The following MAF variants were observed in gnomAD, a reference collection of about 807,000 sequenced individuals.
MAF encodes MAF bZIP transcription factor, also known as transcription factor Maf.
A neutral mutation model predicts 22.0 loss-of-function variants in MAF; 10 were observed. The observed-to-expected ratio is 0.45, with a 90% CI of 0.28 to 0.77. The LOEUF is 0.77. Ranked by LOEUF, MAF falls within the 30% of genes least tolerant of loss-of-function variation. The pLI, the probability that MAF is intolerant of heterozygous loss-of-function variation, is 0.12. For missense variants in MAF, 544 were observed against 548.4 expected (o/e 0.99, Z 0.08); for synonymous variants, 337 against 255.8 (o/e 1.32, Z -3.03).
the MAF span, among the ~76,000 whole-genome samples, chr16:79,325,301 G>A: frequency 2.6e-5 from 4 of 152,168 alleles, no homozygotes; most frequent in East Asian, 1.9e-4. Context: ...AGCGACAACC[G>A]TGCATGCAAC....
chr16:79,518,587 C>A, the MAF span, among the ~76,000 whole-genome samples: 1 of 152,154 alleles, frequency 6.6e-6, no homozygotes, highest in East Asian at 1.9e-4. Context: ...GTTACTTGGC[C>A]CCTTGGTGCC....
At chr16:79,329,785 T>C in the MAF span, among the ~76,000 whole-genome samples, 2 of 152,206 alleles carry the variant, frequency 1.3e-5, no homozygotes, top group Non-Finnish European at 2.9e-5. Flanking sequence ...AAAACCAGTA[T>C]GCCTTCTACT....
At chr16:79,520,880 G>A in the MAF span, among the ~76,000 whole-genome samples, 1 of 152,164 alleles carries the variant, frequency 6.6e-6, no homozygotes, top group Non-Finnish European at 1.5e-5. Context: ...ACCCTGCTAA[G>A]TGCTTCATTT....
the MAF span, among the ~76,000 whole-genome samples, chr16:79,351,945 C>T: frequency 6.6e-6 from 1 of 152,248 alleles, no homozygotes; most frequent in African/African-American, 2.4e-5. Context: ...GTTTTTCACA[C>T]CCCAAGATAA....
chr16:79,212,209 G>GAAAA, the MAF span: 1 of 1,440,278 alleles, frequency 6.9e-7, no homozygotes, highest in African/African-American at 1.4e-5. Context: ...ACTTAGGGAA[G>GAAAA]AAAAAGCAAG....
chr16:79,237,476 G>A, the MAF span, among the ~76,000 whole-genome samples: 9 of 152,170 alleles, frequency 5.9e-5, no homozygotes, highest in East Asian at 1.5e-3. Flanking sequence ...GGAAATGGTT[G>A]GTTGGAGGAT....
the MAF span, among the ~76,000 whole-genome samples, chr16:79,213,790 A>AAAAG: frequency 2.2e-5 from 1 of 44,930 alleles, no homozygotes; most frequent in Admixed American, 1.8e-4. Context: ...ACAGCAATGC[A>AAAAG]AAAGATAGTA....
the MAF span, among the ~76,000 whole-genome samples, chr16:79,272,465 A>G: frequency 6.6e-6 from 1 of 152,112 alleles, no homozygotes; most frequent in East Asian, 1.9e-4. Flanking sequence ...ACATCAGTGG[A>G]GGGGGAGGTG....
the MAF span, among the ~76,000 whole-genome samples, chr16:79,292,015 C>G: frequency 2.6e-5 from 4 of 151,614 alleles, no homozygotes; most frequent in African/African-American, 9.7e-5. Context: ...GAAACTGAAG[C>G]TTAGAATAGG....
the MAF span, among the ~76,000 whole-genome samples, chr16:79,447,670 T>A: frequency 1.3e-5 from 2 of 151,550 alleles, no homozygotes; most frequent in African/African-American, 2.4e-5. Context: ...AATATAAACA[T>A]TAATAGGAGT....
At chr16:79,423,147 T>C in the MAF span, among the ~76,000 whole-genome samples, 1 of 152,214 alleles carries the variant, frequency 6.6e-6, no homozygotes, top group Non-Finnish European at 1.5e-5. Flanking sequence ...CAACATGTTT[T>C]AGAATAAGCA....
chr16:79,268,730 A>G, the MAF span, among the ~76,000 whole-genome samples: 1 of 152,214 alleles, frequency 6.6e-6, no homozygotes, highest in Non-Finnish European at 1.5e-5. Flanking sequence ...CACCAACTCC[A>G]TATATCAGTT....
chr16:79,389,976 C>CAAAAAAA, the MAF span, among the ~76,000 whole-genome samples: 9 of 62,930 alleles, frequency 1.4e-4, no homozygotes, highest in Non-Finnish European at 1.9e-4. Flanking sequence ...GACTCCATCT[C>CAAAAAAA]AAAAAAAAAA....
At chr16:79,369,219 T>G in the MAF span, among the ~76,000 whole-genome samples, 1 of 152,232 alleles carries the variant, frequency 6.6e-6, no homozygotes, top group African/African-American at 2.4e-5. Flanking sequence ...AAAGCTGTAT[T>G]CATTAATAGA....
At chr16:79,342,877 G>A in the MAF span, among the ~76,000 whole-genome samples, 3 of 152,242 alleles carry the variant, frequency 2.0e-5, no homozygotes, top group East Asian at 5.8e-4. Flanking sequence ...AGAGTTCATG[G>A]GGTTCTAGGC....
the MAF span, among the ~76,000 whole-genome samples, chr16:79,437,581 A>T: frequency 6.6e-6 from 1 of 152,088 alleles, no homozygotes; most frequent in African/African-American, 2.4e-5. Context: ...TAGTCCCCCA[A>T]GGAGGCCTGT....
chr16:79,221,660 T>C, the MAF span, among the ~76,000 whole-genome samples: 2 of 152,266 alleles, frequency 1.3e-5, no homozygotes, highest in South Asian at 4.1e-4. Context: ...GGACAGCTGA[T>C]AAGAGTGTAT....
At chr16:79,423,962 A>G in the MAF span, among the ~76,000 whole-genome samples, 1 of 152,212 alleles carries the variant, frequency 6.6e-6, no homozygotes, top group Non-Finnish European at 1.5e-5. Flanking sequence ...GAATCTTAAT[A>G]GGGTTAAGAT....
the MAF span, among the ~76,000 whole-genome samples, chr16:79,424,532 C>T: frequency 6.6e-6 from 1 of 152,080 alleles, no homozygotes; most frequent in East Asian, 1.9e-4. Flanking sequence ...AGATATAATC[C>T]AGGCTGAATT....
Sources: gnomAD v4.1 joint callset for allele counts (sites outside exome capture counted in the v4.1 genomes callset) on GRCh38, gnomAD v4.1.1 for gene constraint, MANE v1.5 for transcripts, NCBI Gene and HGNC (gene_info 2026-07-23, HGNC 2026-07-21) for gene names.